MLLT3: variants seen among roughly 807,000 people sequenced by gnomAD.
The protein encoded by MLLT3 is protein AF-9.
Under a neutral mutation model 53.2 loss-of-function variants are expected in MLLT3, and 4 were observed. The ratio of observed to expected loss-of-function variants is 0.08; its 90% CI spans 0.04 to 0.17. The LOEUF is 0.17. MLLT3 is among the 10% of genes least tolerant of loss of function. The pLI is 1.00. For synonymous variants in MLLT3, 283 were observed against 230.6 expected (o/e 1.23, Z -2.06); for missense variants, 569 against 684.0 (o/e 0.83, Z 1.87).
intron 2 of MLLT3, among the ~76,000 whole-genome samples, chr9:20,507,796 G>C (rs1322529221): frequency 6.8e-6 from 1 of 147,286 alleles, no homozygotes; most frequent in Admixed American, 6.7e-5. Flanking sequence ...AAATCAATTG[G>C]CTCAACATTT....
intron 2 of MLLT3, among the ~76,000 whole-genome samples, chr9:20,573,621 G>C (rs1175621431): frequency 6.6e-6 from 1 of 152,226 alleles, no homozygotes; most frequent in Non-Finnish European, 1.5e-5. Flanking sequence ...TAAGTTAAAA[G>C]ATGTCTGAAT....
chr9:20,468,335 CT>C (rs1824287724), intron 2 of MLLT3, among the ~76,000 whole-genome samples: 1 of 152,048 alleles, frequency 6.6e-6, no homozygotes, highest in East Asian at 1.9e-4. Flanking sequence ...GCTGTCATAG[CT>C]CCTTGACAGG....
At chr9:20,387,848 C>T (rs1822080268) in intron 5 of MLLT3, among the ~76,000 whole-genome samples, 1 of 152,196 alleles carries the variant, frequency 6.6e-6, no homozygotes, top group Admixed American at 6.5e-5. Context: ...GCAAATGCAA[C>T]TCATTGTTTC....
chr9:20,539,195 C>T (rs190194120), intron 2 of MLLT3, among the ~76,000 whole-genome samples: 19 of 152,322 alleles, frequency 1.2e-4, no homozygotes, highest in African/African-American at 4.3e-4. Flanking sequence ...GCATGTGATG[C>T]TGTTTGATAG....
intron 2 of MLLT3, among the ~76,000 whole-genome samples, chr9:20,544,019 C>G (rs1267371858): frequency 6.6e-6 from 1 of 152,052 alleles, no homozygotes; most frequent in Non-Finnish European, 1.5e-5. Flanking sequence ...TATAAATAAA[C>G]AGAACAGAAT....
intron 2 of MLLT3, among the ~76,000 whole-genome samples, chr9:20,618,868 G>C (rs1424830499): frequency 6.6e-6 from 1 of 152,202 alleles, no homozygotes; most frequent in African/African-American, 2.4e-5. Context: ...CCAATTTGTT[G>C]ATTGTCAAGG....
chr9:20,477,719 C>T (rs1484057247), intron 2 of MLLT3, among the ~76,000 whole-genome samples: 1 of 152,118 alleles, frequency 6.6e-6, no homozygotes, highest in Non-Finnish European at 1.5e-5. Flanking sequence ...TACAGTTCTC[C>T]TATACTCCAG....
intron 5 of MLLT3, among the ~76,000 whole-genome samples, chr9:20,375,887 C>T (rs1821753483): frequency 6.6e-6 from 1 of 152,054 alleles, no homozygotes; most frequent in Non-Finnish European, 1.5e-5. Context: ...GGATTACAGG[C>T]CTGAGCCACC....
intron 10 of MLLT3, among the ~76,000 whole-genome samples, chr9:20,350,013 C>A (rs1820971434): frequency 1.3e-5 from 2 of 152,218 alleles, no homozygotes; most frequent in South Asian, 4.1e-4. Context: ...TGCCCACATC[C>A]TCATTTAAGT....
At chr9:20,362,316 G>C (rs1170006478) in intron 7 of MLLT3, among the ~76,000 whole-genome samples, 1 of 152,128 alleles carries the variant, frequency 6.6e-6, no homozygotes, top group Non-Finnish European at 1.5e-5. Context: ...ATAACAACTA[G>C]GGAAATCATC....
intron 5 of MLLT3, among the ~76,000 whole-genome samples, chr9:20,377,902 G>A (rs1276142952): frequency 6.6e-6 from 1 of 152,028 alleles, no homozygotes; most frequent in African/African-American, 2.4e-5. Context: ...ATCAGCTTAT[G>A]AAACAAGGAC....
intron 2 of MLLT3, among the ~76,000 whole-genome samples, chr9:20,467,788 A>C (rs1348394333): frequency 1.3e-5 from 2 of 152,204 alleles, no homozygotes; most frequent in Non-Finnish European, 2.9e-5. Context: ...AGGAGGCTGA[A>C]GGTTAAGATG....
At chr9:20,413,281 G>A (rs886340174) in intron 5 of MLLT3, among the ~76,000 whole-genome samples, 1 of 152,006 alleles carries the variant, frequency 6.6e-6, no homozygotes, top group Non-Finnish European at 1.5e-5. Context: ...ACATAAACAT[G>A]TTACTTCATT....
chr9:20,433,090 CCAAGCAAAGTAGG>C (rs1823317731), intron 4 of MLLT3, among the ~76,000 whole-genome samples: 1 of 151,836 alleles, frequency 6.6e-6, no homozygotes, highest in Non-Finnish European at 1.5e-5. Flanking sequence ...TTATGTCGGG[CCAAGCAAAGTAGG>C]CAACGGTGAG....
chr9:20,546,751 T>C (rs1245320704), intron 2 of MLLT3, among the ~76,000 whole-genome samples: 1 of 152,196 alleles, frequency 6.6e-6, no homozygotes, highest in Non-Finnish European at 1.5e-5. Context: ...GTCTTTACCC[T>C]CTCTCACTCC....
Position 20,345,887 on chromosome 9 carries a change from T to G in MLLT3, c.*556A>C, listed in dbSNP as rs192284802. On this transcript the variant is annotated 3_prime_UTR_variant, in exon 11 of 11. Transcript: ENST00000380338. ...AACGAGTTAAAGGACTTGGAAAAAG[T>G]TGGTGGAAAGTGGCACGGTATACGA... is the stretch of plus-strand genomic sequence containing the variant. 1 of 229,844 alleles carries G rather than the reference T, an allele frequency of 4.4e-6. No individual in the cohort carries two copies. The highest frequency in any genetic ancestry group is 2.2e-5 in the African/African-American group (1 of 45,114). The allele number at this position is 229,844 out of a possible 1,614,324, so 14.2% of individuals were successfully genotyped here.
At chr9:20,476,664 T>C (rs1824529159) in intron 2 of MLLT3, among the ~76,000 whole-genome samples, 1 of 152,272 alleles carries the variant, frequency 6.6e-6, no homozygotes, top group African/African-American at 2.4e-5. Context: ...GAAATGCCAA[T>C]GAAAACCAAC....
intron 4 of MLLT3, among the ~76,000 whole-genome samples, chr9:20,437,396 G>T (rs1823431657): frequency 6.6e-6 from 1 of 151,994 alleles, no homozygotes. Context: ...CCAAAATTAA[G>T]TGTACGTATA....
chr9:20,437,197 C>T (rs2118827776), intron 4 of MLLT3, among the ~76,000 whole-genome samples: 1 of 152,224 alleles, frequency 6.6e-6, no homozygotes, highest in Non-Finnish European at 1.5e-5. Context: ...ATAGGTGTCA[C>T]TATTATCTTT....
Sources: allele counts gnomAD v4.1 joint callset (sites outside exome capture counted in the v4.1 genomes callset), GRCh38; gene constraint gnomAD v4.1.1; transcripts MANE v1.5; gene names NCBI Gene and HGNC (gene_info 2026-07-23, HGNC 2026-07-21).